SVEP1: variants seen among roughly 807,000 people sequenced by gnomAD.
SVEP1 encodes the protein sushi, von Willebrand factor type A, EGF and pentraxin domain containing 1.
Under a neutral mutation model 367.3 loss-of-function variants are expected in SVEP1, and 164 were observed. That is an observed-to-expected ratio of 0.45 (90% confidence interval 0.39 to 0.51). SVEP1 has a LOEUF of 0.51. SVEP1 is among the 20% of genes least tolerant of loss of function. The pLI, the probability that SVEP1 is intolerant of heterozygous loss-of-function variation, is 0.00. For synonymous variants in SVEP1, 1,666 were observed against 1,611.6 expected (o/e 1.03, Z -0.81); for missense variants, 4,117 against 4,425.3 (o/e 0.93, Z 1.98).
intron 47 of SVEP1, among the ~76,000 whole-genome samples, chr9:110,367,982 G>A (rs1827223851): frequency 6.6e-6 from 1 of 152,184 alleles, no homozygotes; most frequent in Admixed American, 6.5e-5. Context: ...TCAGGAGGCT[G>A]AGACAGAATC....
chr9:110,413,982 G>A (rs1019129878), intron 36 of SVEP1, among the ~76,000 whole-genome samples: 1 of 152,046 alleles, frequency 6.6e-6, no homozygotes, highest in Non-Finnish European at 1.5e-5. Context: ...AAACTTGCCT[G>A]AAGTCACACA....
intron 40 of SVEP1, among the ~76,000 whole-genome samples, chr9:110,394,103 C>G (rs1827717141): frequency 6.6e-6 from 1 of 152,052 alleles, no homozygotes; most frequent in African/African-American, 2.4e-5. Context: ...TGGGAGGCAC[C>G]CCCCAGTAGG....
rs774124120 is a variant in SVEP1 at position 110,483,581 on chromosome 9, C to A, written c.2038+5G>T. 2.4e-5 allele frequency: 39 copies of A among 1,600,632 alleles called. No individual in the cohort carries two copies. Among genetic ancestry groups the A allele is most frequent in the Middle Eastern group, 3.3e-4 (2 of 6,006 alleles). ...ATGCTGACAACAAAGTCCTTGTCACCTCACCTGAGTTGTCTGAGAACTGAG... is the reference window on the plus strand; with the variant it reads ...ATGCTGACAACAAAGTCCTTGTCACATCACCTGAGTTGTCTGAGAACTGAG... On this transcript the variant is annotated splice_donor_5th_base_variant and intron_variant, in intron 10 of 47. Transcript: ENST00000374469.
intron 25 of SVEP1, among the ~76,000 whole-genome samples, 152 bp from the exon 26 acceptor site, chr9:110,446,190 T>C (rs1466919887): frequency 6.6e-6 from 1 of 152,192 alleles, no homozygotes; most frequent in Non-Finnish European, 1.5e-5. Flanking sequence ...ATTTACAAAA[T>C]ACATAGTGCA....
At chr9:110,444,992 C>G (rs759116437) in intron 26 of SVEP1, among the ~76,000 whole-genome samples, 1 of 152,156 alleles carries the variant, frequency 6.6e-6, no homozygotes, top group African/African-American at 2.4e-5. Flanking sequence ...GAAAAAAAAG[C>G]TCAGTGGGTT....
chr9:110,433,432 G>C (rs957124026), intron 30 of SVEP1, among the ~76,000 whole-genome samples: 1 of 142,754 alleles, frequency 7.0e-6, no homozygotes, highest in African/African-American at 2.6e-5. Flanking sequence ...TAAAATAGCA[G>C]TCTAGCCTCC....
intron 40 of SVEP1, among the ~76,000 whole-genome samples, chr9:110,397,636 T>G (rs1233474216): frequency 6.6e-6 from 1 of 152,170 alleles, no homozygotes; most frequent in Non-Finnish European, 1.5e-5. Context: ...GATAAGCAAC[T>G]TCAGCAAAGT....
chr9:110,411,292 T>A lies in SVEP1; in HGVS notation c.6419A>T (p.Gln2140Leu). Residue 2140 changes from glutamine (Q) to leucine (L), a missense_variant, in exon 37 of 48, where the codon CAG becomes CTG. By Grantham distance (113) the Gln-to-Leu change is moderately radical. Transcript: ENST00000374469. ...CTCTCCACACCGCACAGGGATGCACTGGATGGACATGGGGGAAGGGTTCCA... is the reference window on the plus strand; with the variant it reads ...CTCTCCACACCGCACAGGGATGCACAGGATGGACATGGGGGAAGGGTTCCA... ...GQWNPSPMSI[Q>L]CIPVRCGEPP... The A allele has an allele frequency of 6.2e-7, 1 of 1,614,052 alleles. No homozygotes were observed. Among genetic ancestry groups the A allele is most frequent in the Non-Finnish European group, 8.5e-7 (1 of 1,179,894 alleles).
At chr9:110,552,830 C>T (rs910437322) in intron 1 of SVEP1, among the ~76,000 whole-genome samples, 23 of 152,100 alleles carry the variant, frequency 1.5e-4, no homozygotes, top group African/African-American at 5.6e-4. Context: ...AAAACTACTC[C>T]ATTGGGTGGT....
chr9:110,400,942 T>G lies in SVEP1; in HGVS notation c.9734A>C (p.Glu3245Ala). The G allele has an allele frequency of 1.2e-6, 2 of 1,613,958 alleles. No homozygotes were observed. The highest frequency in any genetic ancestry group is 2.2e-5 in the South Asian group (2 of 91,086). ...AACCACAAATCCATGTTCTGGACTTTCAGGTTTCCCACAAGAAACTGGACT... is the reference window on the plus strand; with the variant it reads ...AACCACAAATCCATGTTCTGGACTTGCAGGTTTCCCACAAGAAACTGGACT... ...SCSPVSCGKP[E>A]SPEHGFVVGS... Residue 3245 changes from glutamate (E) to alanine (A), a missense_variant, in exon 40 of 48, where the codon GAA becomes GCA. Physicochemically the swap from Glu to Ala is moderately radical, Grantham distance 107. Transcript: ENST00000374469.
intron 41 of SVEP1, among the ~76,000 whole-genome samples, chr9:110,389,167 G>T (rs1250369116): frequency 6.6e-6 from 1 of 151,968 alleles, no homozygotes; most frequent in African/African-American, 2.4e-5. Context: ...AAAAGTATTG[G>T]CTAGTACTGT....
At chr9:110,494,389 C>G (rs1184405209) in intron 8 of SVEP1, among the ~76,000 whole-genome samples, 1 of 152,142 alleles carries the variant, frequency 6.6e-6, no homozygotes, top group Non-Finnish European at 1.5e-5. Context: ...TTTATTTAGA[C>G]AGCAAGACTC....
In SVEP1 at chr9:110,408,245, T is replaced by C; in HGVS notation, c.7355A>G (p.Asp2452Gly). Residue 2452 changes from aspartate to glycine, a missense_variant, in exon 38 of 48, where the codon GAT becomes GGT. Coordinates refer to ENST00000374469, the MANE Select transcript of SVEP1 (RefSeq NM_153366.4). ...GCTGAGATAGGCAAGGCCTTGCACA[T>C]CAATGATTCCATTGGGGATTTCCTC... ...QPEEIPNGII[D>G]VQGLAYLSTA... 1 of 1,613,964 alleles carries C rather than the reference T, an allele frequency of 6.2e-7. No homozygotes were observed. The highest frequency in any genetic ancestry group is 8.5e-7 in the Non-Finnish European group (1 of 1,179,890).
Position 110,560,226 on chromosome 9 carries a change from C to A in SVEP1, c.532-10122G>T, listed in dbSNP as rs534773026. ...TGTAACATACTGTAAGGGCTTATAG[C>A]CTAAAAGCAATAGGCTATTCCATAT... On this transcript the variant is annotated intron_variant, in intron 1 of 47. Coordinates refer to ENST00000374469, the MANE Select transcript of SVEP1 (RefSeq NM_153366.4). 5.3e-5 allele frequency among the ~76,000 whole-genome samples: 8 copies of A among 152,246 alleles called. No homozygotes were observed. The East Asian group carries it at 1.3e-3, about 26-fold the overall frequency.
intron 24 of SVEP1, among the ~76,000 whole-genome samples, chr9:110,448,839 T>C (rs1204355099): frequency 6.6e-6 from 1 of 152,210 alleles, no homozygotes; most frequent in African/African-American, 2.4e-5. Context: ...TGATAAGACC[T>C]CATTTCCACA....
chr9:110,570,189 T>G (rs1309562059), intron 1 of SVEP1, among the ~76,000 whole-genome samples: 3 of 152,170 alleles, frequency 2.0e-5, no homozygotes, highest in Non-Finnish European at 4.4e-5. Flanking sequence ...GAGAACAGTC[T>G]TTAAAATCTA....
At chr9:110,430,033 T>C (rs1447495635) in intron 33 of SVEP1, 29 bp from the exon 34 acceptor site, 1 of 1,603,374 alleles carries the variant, frequency 6.2e-7, no homozygotes, top group Admixed American at 1.7e-5. Context: ...AACACGTGAC[T>C]TTTTTGAGAC....
intron 3 of SVEP1, among the ~76,000 whole-genome samples, chr9:110,539,163 G>A (rs908525491): frequency 4.6e-5 from 7 of 152,034 alleles, no homozygotes; most frequent in Admixed American, 2.6e-4. Flanking sequence ...CTGAAGACAA[G>A]CAGTGGGGAT....
At chr9:110,440,428 G>A (rs745314247) in intron 27 of SVEP1, among the ~76,000 whole-genome samples, 7 of 152,160 alleles carry the variant, frequency 4.6e-5, no homozygotes, top group Non-Finnish European at 8.8e-5. Flanking sequence ...TTCAGCAGAT[G>A]TTTATGAAGC....
Sources: allele counts gnomAD v4.1 joint callset (sites outside exome capture counted in the v4.1 genomes callset), GRCh38; gene constraint gnomAD v4.1.1; transcripts MANE v1.5; gene names NCBI Gene and HGNC (gene_info 2026-07-23, HGNC 2026-07-21).